Variants in CDC42BPA observed in about 807,000 individuals in gnomAD.
CDC42BPA encodes serine/threonine-protein kinase MRCK alpha.
A neutral mutation model predicts 223.5 loss-of-function variants in CDC42BPA; 80 were observed. The ratio of observed to expected loss-of-function variants is 0.36; its 90% CI spans 0.30 to 0.43. The LOEUF (loss-of-function observed/expected upper bound fraction) is 0.43, where lower values mean the gene tolerates loss of function less well. Among genes scored for constraint, CDC42BPA ranks in the 20% least tolerant of loss-of-function variants. The probability of loss-of-function intolerance (pLI) is 1.00; values close to 1 mark genes in which losing one functional copy is unlikely to be tolerated. For synonymous variants in CDC42BPA, 694 were observed against 718.6 expected, an observed-to-expected ratio of 0.97 and a Z score of 0.55; for missense variants, 1,743 against 2,099.9, an observed-to-expected ratio of 0.83 and a Z score of 3.32.
rs927534228 is a variant in CDC42BPA at position 227,207,454 on chromosome 1, C to T, written c.354+5682G>A. Among the ~76,000 whole-genome samples, 43 of 143,720 alleles carry T rather than the reference C, an allele frequency of 3.0e-4. 1 individual carries two copies. Among genetic ancestry groups the T allele is most frequent in the African/African-American group, 1.0e-3 (40 of 38,656 alleles). The allele number at this position is 143,720 out of a possible 152,430, so 94.3% of individuals were successfully genotyped here. On this transcript the variant is annotated intron_variant, in intron 3 of 36. Coordinates refer to ENST00000366766, the MANE Select transcript of CDC42BPA (RefSeq NM_001394014.1). ...TATGTATACATGTGCCATGCTGGTG[C>T]GCTGCACCCACTAAATCGTCATCTA...
At chr1:227,108,147 G>A (rs1264144502) in intron 14 of CDC42BPA, among the ~76,000 whole-genome samples, 2 of 151,920 alleles carry the variant, frequency 1.3e-5, no homozygotes, top group Admixed American at 1.3e-4. Context: ...GATTCAGTTT[G>A]CTCTTCTTTT....
At chr1:227,259,288 CA>C (rs1683637792) in intron 1 of CDC42BPA, among the ~76,000 whole-genome samples, 1 of 151,020 alleles carries the variant, frequency 6.6e-6, no homozygotes, top group Non-Finnish European at 1.5e-5. Context: ...AACTCAGAGT[CA>C]GTCTCTGCAG....
intron 10 of CDC42BPA, among the ~76,000 whole-genome samples, chr1:227,131,931 C>T (rs577558687): frequency 6.6e-6 from 1 of 152,162 alleles, no homozygotes; most frequent in Non-Finnish European, 1.5e-5. Flanking sequence ...CAGGTGGTAC[C>T]ATCACCTTAT....
At chr1:227,307,233 C>T (rs895285081) in intron 1 of CDC42BPA, among the ~76,000 whole-genome samples, 2 of 152,202 alleles carry the variant, frequency 1.3e-5, no homozygotes, top group African/African-American at 4.8e-5. Context: ...ATGCAAAACT[C>T]CACACCAACT....
intron 1 of CDC42BPA, among the ~76,000 whole-genome samples, chr1:227,290,863 T>G (rs1689574724): frequency 6.6e-6 from 1 of 152,136 alleles, no homozygotes; most frequent in Admixed American, 6.5e-5. Flanking sequence ...AAACACAAAG[T>G]ATAGCATAAA....
intron 1 of CDC42BPA, among the ~76,000 whole-genome samples, chr1:227,265,379 G>A (rs898527114): frequency 1.3e-5 from 2 of 152,060 alleles, no homozygotes; most frequent in African/African-American, 4.8e-5. Context: ...TTTATGAAAA[G>A]TAGTTAAGTA....
At position 227,014,484 on chromosome 1, in the gene CDC42BPA, C is replaced by T. The variant is rs1051423928; in HGVS notation, c.4857+1596G>A. Among the ~76,000 whole-genome samples the T allele has an allele frequency of 2.6e-5, 4 of 152,116 alleles. No homozygotes were observed. The South Asian group carries it at 6.2e-4, about 24-fold the overall frequency. ...TAAGCAAGCAGAGCCAACTGATGAA[C>T]TGAGATATTTACAATGAAGAACTCA... On this transcript the variant is annotated intron_variant, in intron 34 of 36. Coordinates refer to ENST00000366766, the MANE Select transcript of CDC42BPA (RefSeq NM_001394014.1).
At chr1:227,164,779 T>C (rs1035547430) in intron 5 of CDC42BPA, among the ~76,000 whole-genome samples, 2 of 152,254 alleles carry the variant, frequency 1.3e-5, no homozygotes, top group African/African-American at 4.8e-5. Flanking sequence ...GATCCTAGTT[T>C]CAAAACATTC....
chr1:227,172,839 T>A (rs1256416320), intron 5 of CDC42BPA, among the ~76,000 whole-genome samples: 1 of 152,214 alleles, frequency 6.6e-6, no homozygotes, highest in East Asian at 1.9e-4. Context: ...TATTAACATG[T>A]CTTTACACTA....
At chr1:227,220,282 T>TTTTATATATATATATATATATA (rs748787987) in intron 2 of CDC42BPA, among the ~76,000 whole-genome samples, 22 of 100,844 alleles carry the variant, frequency 2.2e-4, no homozygotes, top group South Asian at 3.6e-4. Flanking sequence ...AAAAGTCATG[T>TTTTATATATATATATATATATA]TATATATATA....
At chr1:227,108,685 T>C (rs1249675455) in intron 14 of CDC42BPA, among the ~76,000 whole-genome samples, 1 of 152,194 alleles carries the variant, frequency 6.6e-6, no homozygotes, top group East Asian at 1.9e-4. Flanking sequence ...GTCTCATATA[T>C]ACAATGGTAC....
At chr1:227,253,302 A>G (rs1162647321) in intron 2 of CDC42BPA, among the ~76,000 whole-genome samples, 1 of 152,174 alleles carries the variant, frequency 6.6e-6, no homozygotes, top group Non-Finnish European at 1.5e-5. Context: ...GTATCTTTAC[A>G]AGTGAGTCGA....
At chr1:227,156,115 T>C (rs1662696015) in intron 6 of CDC42BPA, among the ~76,000 whole-genome samples, 1 of 81,682 alleles carries the variant, frequency 1.2e-5, no homozygotes, top group Non-Finnish European at 2.9e-5. Flanking sequence ...AGTTTCTTCA[T>C]TATAGTTTTT....
intron 5 of CDC42BPA, among the ~76,000 whole-genome samples, chr1:227,162,430 C>G (rs1664081153): frequency 6.6e-6 from 1 of 152,124 alleles, no homozygotes; most frequent in Non-Finnish European, 1.5e-5. Flanking sequence ...CACTATTATG[C>G]CTATATACAA....
intron 21 of CDC42BPA, among the ~76,000 whole-genome samples, chr1:227,060,033 T>A (rs907877008): frequency 1.5e-4 from 22 of 142,110 alleles, no homozygotes; most frequent in Non-Finnish European, 2.3e-4. Flanking sequence ...TTTTTTTGTT[T>A]TTTTTTTTTT....
At chr1:227,259,812 A>G (rs1413016080) in intron 1 of CDC42BPA, among the ~76,000 whole-genome samples, 3 of 150,992 alleles carry the variant, frequency 2.0e-5, no homozygotes, top group Non-Finnish European at 4.4e-5. Flanking sequence ...ACTTGTCCAA[A>G]CTTCAAGAAT....
intron 1 of CDC42BPA, among the ~76,000 whole-genome samples, chr1:227,316,731 T>C (rs961717264): frequency 5.3e-5 from 8 of 152,218 alleles, no homozygotes; most frequent in African/African-American, 1.7e-4. Context: ...CAGAATTGAT[T>C]TAAAATCTCT....
intron 23 of CDC42BPA, among the ~76,000 whole-genome samples, chr1:227,047,329 G>T (rs1672652790): frequency 6.6e-6 from 1 of 151,910 alleles, no homozygotes; most frequent in South Asian, 2.1e-4. Flanking sequence ...TCTGGGCACA[G>T]GTTATTTCAG....
chr1:227,277,087 A>G (rs1027961057), intron 1 of CDC42BPA, among the ~76,000 whole-genome samples: 1 of 151,216 alleles, frequency 6.6e-6, no homozygotes, highest in Non-Finnish European at 1.5e-5. Flanking sequence ...CTAAAAAAAA[A>G]AAAAAAAAGA....
Sources: allele counts gnomAD v4.1 joint callset (sites outside exome capture counted in the v4.1 genomes callset), GRCh38; gene constraint gnomAD v4.1.1; transcripts MANE v1.5; gene names NCBI Gene and HGNC (gene_info 2026-07-23, HGNC 2026-07-21).